Variants in RAPGEF6 observed in about 807,000 individuals in gnomAD.
The protein encoded by RAPGEF6 is Rap guanine nucleotide exchange factor 6.
In RAPGEF6, 56 loss-of-function variants were observed where a neutral mutation model predicts 171.4. The observed-to-expected ratio is 0.33, with a 90% confidence interval of 0.26 to 0.41. The LOEUF (loss-of-function observed/expected upper bound fraction) is 0.41, where lower values mean the gene tolerates loss of function less well. Ranked by LOEUF, RAPGEF6 falls within the 10% of genes least tolerant of loss-of-function variation. RAPGEF6 has a pLI of 1.00. For missense variants in RAPGEF6, 1,674 were observed against 1,921.4 expected (o/e 0.87, Z 2.41); for synonymous variants, 692 against 650.1 (o/e 1.06, Z -0.98).
chr5:131,621,960 T>A (rs151256324), intron 1 of RAPGEF6, among the ~76,000 whole-genome samples: 39 of 152,306 alleles, frequency 2.6e-4, no homozygotes, highest in African/African-American at 8.7e-4. Flanking sequence ...CATATTTTAA[T>A]TGTCCATGTG....
chr5:131,425,350 A>C lies in RAPGEF6; in HGVS notation c.*1916T>G, dbSNP rs957160772. On this transcript the variant is annotated 3_prime_UTR_variant, in exon 28 of 28. Coordinates refer to ENST00000509018, the MANE Select transcript of RAPGEF6 (RefSeq NM_016340.6). ...ATTTGATAAAAAAAGTGGGTATAGC[A>C]AAAATATATTTCACATTGTTTTGCT... 4.6e-5 allele frequency: 7 copies of C among 152,358 alleles called. No homozygotes were observed. The highest frequency in any genetic ancestry group is 7.2e-5 in the African/African-American group (3 of 41,462). 9.4% of individuals were successfully genotyped at this position (152,358 alleles called of 1,614,324 possible).
intron 1 of RAPGEF6, among the ~76,000 whole-genome samples, chr5:131,623,564 C>T (rs1316305105): frequency 6.7e-6 from 1 of 150,026 alleles, no homozygotes; most frequent in Non-Finnish European, 1.5e-5. Context: ...TGGCTCACCG[C>T]AACCTCCGCC....
intron 1 of RAPGEF6, among the ~76,000 whole-genome samples, chr5:131,628,082 C>T (rs1202505617): frequency 6.6e-5 from 10 of 152,076 alleles, no homozygotes; most frequent in Admixed American, 6.5e-4. Context: ...AATTAATAAC[C>T]CTACAATGGC....
At chr5:131,428,804 A>G in intron 27 of RAPGEF6, 98 bp downstream of exon 27, 1 of 1,296,628 alleles carries the variant, frequency 7.7e-7, no homozygotes, top group East Asian at 2.3e-5. Context: ...AAGGCATTTA[A>G]AGAAACAATT....
rs1019442080 is a variant in RAPGEF6, at chr5:131,456,146, G to C, written c.2865-134C>G. On this transcript the variant is annotated intron_variant, in intron 19 of 27. Transcript: ENST00000509018. ...TATTTTAACACATTGAAATAAACAA[G>C]AGAAAAACTGAGAAAAAAATAAATA... 11 of 596,962 alleles carry C rather than the reference G, an allele frequency of 1.8e-5. No individual in the cohort carries two copies. In the African/African-American group the frequency reaches 1.9e-4, roughly 10 times the overall value. 37.0% of individuals were successfully genotyped at this position (596,962 alleles called of 1,614,324 possible). A position where few individuals can be genotyped will look rare whatever the true frequency, so the allele number is the denominator to read the frequency against.
intron 1 of RAPGEF6, among the ~76,000 whole-genome samples, chr5:131,626,649 C>T (rs1742620204): frequency 6.6e-6 from 1 of 152,054 alleles, no homozygotes; most frequent in Non-Finnish European, 1.5e-5. Flanking sequence ...ACATTTATTA[C>T]ATTTATGTTT....
intron 24 of RAPGEF6, chr5:131,436,484 A>G (rs1752014002): frequency 9.1e-7 from 1 of 1,094,782 alleles, no homozygotes; most frequent in Admixed American, 3.0e-5. Context: ...TAATATCTGA[A>G]AAATTGAAAT....
chr5:131,440,737 CA>C (rs1168441695), intron 23 of RAPGEF6, among the ~76,000 whole-genome samples: 4,772 of 66,930 alleles, frequency 0.071, 108 homozygotes, highest in African/African-American at 0.2. Flanking sequence ...GACTCTGTCT[CA>C]AAAAAAAAAA....
At chr5:131,445,337 T>C (rs1211290661) in intron 22 of RAPGEF6, among the ~76,000 whole-genome samples, 1 of 152,244 alleles carries the variant, frequency 6.6e-6, no homozygotes, top group Non-Finnish European at 1.5e-5. Flanking sequence ...TCCTGTTTTC[T>C]ATTCTTTCTT....
At chr5:131,540,478 T>C (rs1760062320) in intron 6 of RAPGEF6, among the ~76,000 whole-genome samples, 1 of 152,118 alleles carries the variant, frequency 6.6e-6, no homozygotes, top group Admixed American at 6.6e-5. Context: ...AGGCAGGTCG[T>C]TAGAGCCCAG....
intron 2 of RAPGEF6, among the ~76,000 whole-genome samples, chr5:131,603,998 TA>T (rs1455787950): frequency 6.6e-6 from 1 of 152,094 alleles, no homozygotes; most frequent in Non-Finnish European, 1.5e-5. Context: ...AGTGTTTTTA[TA>T]AATATAATCA....
intron 4 of RAPGEF6, among the ~76,000 whole-genome samples, chr5:131,578,402 T>C (rs1256281399): frequency 6.6e-6 from 1 of 152,154 alleles, no homozygotes; most frequent in Non-Finnish European, 1.5e-5. Context: ...GCTACCTCTC[T>C]TGTCTCCCGG....
intron 3 of RAPGEF6, among the ~76,000 whole-genome samples, chr5:131,598,398 C>T (rs1181295931): frequency 2.0e-5 from 3 of 152,092 alleles, no homozygotes; most frequent in Non-Finnish European, 2.9e-5. Context: ...TTTTAAAATA[C>T]TCTGTAAGAA....
At chr5:131,597,063 T>C (rs1175569740) in intron 3 of RAPGEF6, among the ~76,000 whole-genome samples, 1 of 151,282 alleles carries the variant, frequency 6.6e-6, no homozygotes, top group Non-Finnish European at 1.5e-5. Context: ...ATGGGCAAAA[T>C]AGCTCAACAG....
At chr5:131,518,401 T>TA (rs112384535) in intron 7 of RAPGEF6, among the ~76,000 whole-genome samples, 1 of 149,864 alleles carries the variant, frequency 6.7e-6, no homozygotes, top group Admixed American at 6.7e-5. Flanking sequence ...AGTTTGAAAT[T>TA]TTTTTTTTTT....
intron 13 of RAPGEF6, among the ~76,000 whole-genome samples, chr5:131,495,190 G>A (rs1300015207): frequency 6.6e-6 from 1 of 152,024 alleles, no homozygotes; most frequent in Non-Finnish European, 1.5e-5. Context: ...CTACTCAGGA[G>A]GTTGAGGTAG....
At chr5:131,627,042 G>T (rs960561943) in intron 1 of RAPGEF6, among the ~76,000 whole-genome samples, 2 of 152,168 alleles carry the variant, frequency 1.3e-5, no homozygotes, top group African/African-American at 2.4e-5. Flanking sequence ...GACTGAATTA[G>T]AGTAGTAAAA....
At chr5:131,550,129 A>G (rs1203982606) in intron 5 of RAPGEF6, among the ~76,000 whole-genome samples, 1 of 152,022 alleles carries the variant, frequency 6.6e-6, no homozygotes, top group Non-Finnish European at 1.5e-5. Flanking sequence ...TTTCATTCCC[A>G]TTACCACCTC....
chr5:131,548,429 C>A (rs1161424548), intron 5 of RAPGEF6, among the ~76,000 whole-genome samples: 1 of 152,218 alleles, frequency 6.6e-6, no homozygotes, highest in East Asian at 1.9e-4. Flanking sequence ...CATAAACATA[C>A]ATCCTCTAAG....
Sources: gnomAD v4.1 joint callset for allele counts (sites outside exome capture counted in the v4.1 genomes callset) on GRCh38, gnomAD v4.1.1 for gene constraint, MANE v1.5 for transcripts, NCBI Gene and HGNC (gene_info 2026-07-23, HGNC 2026-07-21) for gene names.